Variants in MPP1 observed in about 807,000 individuals in gnomAD.
The protein encoded by MPP1 is 55 kDa erythrocyte membrane protein.
MPP1 carries 6 observed loss-of-function variants against 38.2 expected under a neutral mutation model. The ratio of observed to expected loss-of-function variants is 0.16; its 90% CI spans 0.09 to 0.31. The LOEUF is 0.31. Among genes scored for constraint, MPP1 ranks in the 10% least tolerant of loss-of-function variants. MPP1 has a pLI of 1.00. For synonymous variants in MPP1, 153 were observed against 146.3 expected (o/e 1.05, Z -0.33); for missense variants, 293 against 368.9 (o/e 0.79, Z 1.69).
chrX:154,791,854 TA>T lies in MPP1; in HGVS notation c.247-8del. ...TCAGCTTCAGCGTGATTCCCTGAAA[TA>T]AAGGCGACGGCACAATAAGCTTTAT... is the stretch of plus-strand genomic sequence containing the variant. On this transcript the variant is annotated splice_polypyrimidine_tract_variant and splice_region_variant and intron_variant, in intron 2 of 11. Transcript: ENST00000369534. The T allele has an allele frequency of 8.4e-7, 1 of 1,195,470 alleles. No individual in the cohort carries two copies. Among genetic ancestry groups the T allele is most frequent in the Non-Finnish European group, 1.1e-6 (1 of 881,263 alleles).
Position 154,783,414 on chromosome X carries a change from A to C in MPP1, c.946+13T>G. On this transcript the variant is annotated intron_variant, in intron 9 of 11. Transcript: ENST00000369534. ...CTGTCACCTCCCCTCCAAGGTGCCTAAGAGCTACTTACATGGGACAGGGTA... is the reference window on the plus strand; with the variant it reads ...CTGTCACCTCCCCTCCAAGGTGCCTCAGAGCTACTTACATGGGACAGGGTA... 8.4e-7 allele frequency: 1 copy of C among 1,197,461 alleles called. No individual in the cohort carries two copies. The highest frequency in any genetic ancestry group is 1.1e-6 in the Non-Finnish European group (1 of 884,780).
At chrX:154,784,203 A>C in intron 7 of MPP1, 95 bp from the exon 8 acceptor site, 3 of 667,848 alleles carry the variant, frequency 4.5e-6, no homozygotes, top group Non-Finnish European at 7.1e-6. Context: ...CGACATCTCA[A>C]CAAGCAGGGA....
At chrX:154,780,688 T>A (rs2071981728) in intron 11 of MPP1, among the ~76,000 whole-genome samples, 1 of 112,342 alleles carries the variant, frequency 8.9e-6, no homozygotes, top group Admixed American at 9.4e-5. Context: ...GACTGCAGTA[T>A]TACACATGCA....
intron 1 of MPP1, chrX:154,799,688 T>C: frequency 9.1e-7 from 1 of 1,104,312 alleles, no homozygotes; most frequent in Non-Finnish European, 1.2e-6. Context: ...AGGGCGGAAG[T>C]GGCTCTGTTA....
At position 154,779,223 on chromosome X, in the gene MPP1, T is replaced by G. The variant is rs781886731; in HGVS notation, c.1355A>C (p.Gln452Pro). 8.3e-7 allele frequency: 1 copy of G among 1,210,295 alleles called. No individual in the cohort carries two copies. Among genetic ancestry groups the G allele is most frequent in the Non-Finnish European group, 1.1e-6 (1 of 895,279 alleles). The change falls in exon 12 of 12, where the codon CAA becomes CCA. Residue 452 changes from glutamine to proline, a missense_variant. By Grantham distance (76) the Gln-to-Pro change is moderately conservative. Transcript: ENST00000369534. ...TLKKLQEAFD[Q>P]ACSSPQWVPV... is the part of the protein sequence containing the mutation. The stretch of plus-strand genomic sequence containing the variant: ...CACCCACTGTGGAGAACTGCACGCT[T>G]GGTCGAAGGCTTCTTGTAATTTCTT...
intron 1 of MPP1, 123 bp from the exon 2 acceptor site, chrX:154,792,408 C>T: frequency 1.2e-6 from 1 of 848,154 alleles, no homozygotes; most frequent in East Asian, 3.3e-5. Flanking sequence ...TGGCCTCATT[C>T]TTATTTGAAT....
chrX:154,791,622 C>T (rs2072142695), intron 3 of MPP1, 147 bp downstream of exon 3: 1 of 476,026 alleles, frequency 2.1e-6, no homozygotes, highest in Non-Finnish European at 3.6e-6. Flanking sequence ...TCTACAGAGC[C>T]AGTTATTAAG....
At chrX:154,783,553 C>G in intron 8 of MPP1, 46 bp from the exon 9 acceptor site, 1 of 1,070,432 alleles carries the variant, frequency 9.3e-7, no homozygotes, top group Non-Finnish European at 1.3e-6. Context: ...GGGAGAGGAG[C>G]GAGGATAAGA....
At chrX:154,785,728 C>T (rs936012858) in intron 6 of MPP1, among the ~76,000 whole-genome samples, 1 of 112,172 alleles carries the variant, frequency 8.9e-6, no homozygotes, top group African/African-American at 3.2e-5. Flanking sequence ...AATTTTTCTG[C>T]CATTCCTATG....
intron 1 of MPP1, among the ~76,000 whole-genome samples, chrX:154,800,398 C>T (rs2072249142): frequency 8.9e-6 from 1 of 111,892 alleles, no homozygotes; most frequent in African/African-American, 3.3e-5. Context: ...GGAACACATA[C>T]ATCAACCTAA....
intron 1 of MPP1, among the ~76,000 whole-genome samples, chrX:154,794,504 G>A (rs2072174584): frequency 8.9e-6 from 1 of 111,816 alleles, no homozygotes; most frequent in Non-Finnish European, 1.9e-5. Flanking sequence ...GGCCTGAAGT[G>A]GGCTTATGGA....
At position 154,781,220 on chromosome X, in the gene MPP1, G is replaced by A. The variant is rs200589373; in HGVS notation, c.1224+19C>T. On this transcript the variant is annotated intron_variant, in intron 11 of 11. Transcript: ENST00000369534. The stretch of plus-strand genomic sequence containing the variant: ...GCCCGGAGAAAGTGAACTACCCATC[G>A]CGCACAACCTCTCCTCACCTGAGTG... The A allele has an allele frequency of 7.7e-5, 92 of 1,187,259 alleles. 1 individual carries two copies. The highest frequency in any genetic ancestry group is 7.1e-4 in the Middle Eastern group (3 of 4,247).
chrX:154,791,884 A>T, intron 2 of MPP1, 37 bp from the exon 3 acceptor site: 1 of 1,137,712 alleles, frequency 8.8e-7, no homozygotes, highest in Non-Finnish European at 1.2e-6. Flanking sequence ...GCTTTATTTT[A>T]AGCTCTTTCT....
chrX:154,784,486 G>A (rs1264227789), intron 7 of MPP1, among the ~76,000 whole-genome samples: 1 of 110,648 alleles, frequency 9.0e-6, no homozygotes, highest in African/African-American at 3.3e-5. Flanking sequence ...TTAGAAGATG[G>A]TGGTGCTATT....
chrX:154,781,755 G>A lies in MPP1; in HGVS notation c.994C>T (p.His332Tyr), dbSNP rs1557266678. The change falls in exon 10 of 12, where the codon CAC becomes TAC. Residue 332 changes from histidine to tyrosine, a missense_variant. Transcript: ENST00000369534. The stretch of plus-strand genomic sequence containing the variant: ...GTCATCTCCTCCGTTGAGATAAAGT[G>A]GTACTCCTTCCCATCTTCCTCACTC... The part of the protein sequence containing the change: ...RKSEEDGKEY[H>Y]FISTEEMTRN... The A allele has an allele frequency of 8.3e-7, 1 of 1,210,087 alleles. No homozygotes were observed. The highest frequency in any genetic ancestry group is 1.1e-6 in the Non-Finnish European group (1 of 895,192).
In MPP1 at chrX:154,784,041, G is replaced by C; in HGVS notation, c.852C>G (p.Thr284=). ...ATGAGAAGATACCGATCAGCACCAG[G>C]GTCTTCCTCTTGAATGCAGGGAGCC... The part of the protein sequence containing the change: ...VVRLPAFKRK[T]LVLIGASGVG... The change falls in exon 8 of 12, where the codon ACC becomes ACG. Residue 284 remains threonine (T), a synonymous_variant. Coordinates refer to ENST00000369534, the MANE Select transcript of MPP1 (RefSeq NM_002436.4). 8.3e-7 allele frequency: 1 copy of C among 1,209,530 alleles called. No individual in the cohort carries two copies. The highest frequency in any genetic ancestry group is 1.1e-6 in the Non-Finnish European group (1 of 894,039).
At chrX:154,784,650 A>T in intron 7 of MPP1, 1 of 252,323 alleles carries the variant, frequency 4.0e-6, no homozygotes, top group Non-Finnish European at 7.4e-6. Flanking sequence ...GACCGTGCGA[A>T]TTCTCTGCTC....
intron 9 of MPP1, 130 bp from the exon 10 acceptor site, chrX:154,781,932 G>A (rs782497340): frequency 2.6e-5 from 15 of 569,725 alleles, no homozygotes; most frequent in South Asian, 1.8e-4. Flanking sequence ...GGTTCCTCCC[G>A]TGGGCTCCTG....
At chrX:154,780,930 C>T (rs1368299515) in intron 11 of MPP1, among the ~76,000 whole-genome samples, 4 of 112,097 alleles carry the variant, frequency 3.6e-5, no homozygotes, top group African/African-American at 1.3e-4. Context: ...CTTCCCCTGC[C>T]AGAGCCTGCA....
Sources: allele counts gnomAD v4.1 joint callset (sites outside exome capture counted in the v4.1 genomes callset), GRCh38; gene constraint gnomAD v4.1.1; transcripts MANE v1.5; gene names NCBI Gene and HGNC (gene_info 2026-07-23, HGNC 2026-07-21).